STK32B: variants seen among roughly 807,000 people sequenced by gnomAD.
STK32B encodes the protein serine/threonine kinase 32B.
STK32B carries 43 observed loss-of-function variants against 52.6 expected under a neutral mutation model. The ratio of observed to expected loss-of-function variants is 0.82; its 90% CI spans 0.64 to 1.05. STK32B has a LOEUF of 1.05. Ranked by LOEUF, STK32B falls within the 50% of genes least tolerant of loss-of-function variation. The probability of loss-of-function intolerance (pLI) is 0.00; values close to 1 mark genes in which losing one functional copy is unlikely to be tolerated. For missense variants in STK32B, 621 were observed against 534.6 expected (o/e 1.16, Z -1.59); for synonymous variants, 238 against 204.3 (o/e 1.17, Z -1.41).
At chr4:5,034,246 A>T in the STK32B span, among the ~76,000 whole-genome samples, 3 of 152,236 alleles carry the variant, frequency 2.0e-5, no homozygotes, top group African/African-American at 7.2e-5. Context: ...CTACAGAATC[A>T]GTCTTTTGAA....
At chr4:5,156,703 G>A (rs1245017836) in intron 2 of STK32B, among the ~76,000 whole-genome samples, 2 of 152,218 alleles carry the variant, frequency 1.3e-5, no homozygotes, top group Non-Finnish European at 2.9e-5. Context: ...TCAAAGTGAA[G>A]TAAACGTGGA....
chr4:5,163,362 A>T (rs980169208), intron 2 of STK32B, among the ~76,000 whole-genome samples: 1 of 152,104 alleles, frequency 6.6e-6, no homozygotes, highest in African/African-American at 2.4e-5. Context: ...TAGAAACAGG[A>T]TTTATGGCAG....
At chr4:5,448,998 C>T (rs1715729446) in intron 7 of STK32B, among the ~76,000 whole-genome samples, 1 of 152,156 alleles carries the variant, frequency 6.6e-6, no homozygotes, top group Admixed American at 6.5e-5. Flanking sequence ...TCAATGACAA[C>T]ATCCTTGGGT....
chr4:5,182,471 T>C (rs1720436379), intron 3 of STK32B, among the ~76,000 whole-genome samples: 1 of 151,996 alleles, frequency 6.6e-6, no homozygotes, highest in African/African-American at 2.4e-5. Context: ...TCCTTTTTTT[T>C]TGTTTTTTGA....
intron 4 of STK32B, among the ~76,000 whole-genome samples, chr4:5,381,087 T>C (rs1290164512): frequency 6.6e-6 from 1 of 152,184 alleles, no homozygotes; most frequent in Non-Finnish European, 1.5e-5. Flanking sequence ...AAGTAAGAAC[T>C]TGCCTGAGTT....
At position 5,484,054 on chromosome 4, in the gene STK32B, T is replaced by C. The variant is rs1718946659; in HGVS notation, c.1107-14891T>C. On this transcript the variant is annotated intron_variant, in intron 11 of 11. Transcript: ENST00000282908. Reference sequence around the variant, plus strand: ...AGGTGTGGTGTGATGTGGAAAAGAATGTATATTCTGTTGATTTGGGGTGGA... The same window carrying C: ...AGGTGTGGTGTGATGTGGAAAAGAACGTATATTCTGTTGATTTGGGGTGGA... Among the ~76,000 whole-genome samples the C allele has an allele frequency of 2.0e-5, 3 of 152,322 alleles. No homozygotes were observed. In the South Asian group the frequency reaches 6.2e-4, roughly 32 times the overall value.
chr4:5,139,646 A>G (rs1716284392), intron 1 of STK32B: 1 of 481,488 alleles, frequency 2.1e-6, no homozygotes, highest in African/African-American at 1.9e-5. Flanking sequence ...GTAGAGAGTG[A>G]AGCAGCAAGA....
At chr4:5,491,566 G>A (rs1719737509) in intron 11 of STK32B, among the ~76,000 whole-genome samples, 1 of 151,800 alleles carries the variant, frequency 6.6e-6, no homozygotes, top group Non-Finnish European at 1.5e-5. Context: ...TTGCTGTGCA[G>A]AAGCTCTTTA....
chr4:5,331,710 CATT>C (rs1186017512), intron 4 of STK32B, among the ~76,000 whole-genome samples: 1 of 152,078 alleles, frequency 6.6e-6, no homozygotes, highest in Non-Finnish European at 1.5e-5. Flanking sequence ...GTTACAGGAG[CATT>C]ATTATACTAG....
intron 2 of STK32B, among the ~76,000 whole-genome samples, chr4:5,150,959 C>G (rs986890572): frequency 2.0e-5 from 3 of 152,158 alleles, no homozygotes; most frequent in African/African-American, 4.8e-5. Context: ...CACTTTCCCC[C>G]CATGTCATTG....
Position 5,450,943 on chromosome 4 carries a change from G to A in STK32B, c.666+4167G>A, listed in dbSNP as rs1244109818. On this transcript the variant is annotated intron_variant, in intron 7 of 11. Coordinates refer to ENST00000282908, the MANE Select transcript of STK32B (RefSeq NM_018401.3). ...CAAGTAAGGCCAATGGGCTTCATGAGCAGAGATGGGTTCCCATCCACACTC... is the reference window on the plus strand; with the variant it reads ...CAAGTAAGGCCAATGGGCTTCATGAACAGAGATGGGTTCCCATCCACACTC... Among the ~76,000 whole-genome samples the A allele has an allele frequency of 2.0e-5, 3 of 152,264 alleles. No homozygotes were observed. In the East Asian group the frequency reaches 5.8e-4, roughly 29 times the overall value.
intron 6 of STK32B, among the ~76,000 whole-genome samples, chr4:5,420,396 A>T (rs998284362): frequency 4.6e-5 from 7 of 152,200 alleles, no homozygotes; most frequent in African/African-American, 1.7e-4. Flanking sequence ...CAAAGAGGTC[A>T]CTGCCTTGAG....
chr4:5,432,735 A>T (rs1026396859), intron 6 of STK32B, among the ~76,000 whole-genome samples: 1 of 152,228 alleles, frequency 6.6e-6, no homozygotes, highest in Non-Finnish European at 1.5e-5. Flanking sequence ...CTTGAACTTC[A>T]TTCATAGTAA....
At chr4:5,280,726 C>T (rs1359812624) in intron 3 of STK32B, among the ~76,000 whole-genome samples, 1 of 151,992 alleles carries the variant, frequency 6.6e-6, no homozygotes, top group Non-Finnish European at 1.5e-5. Flanking sequence ...AAAACCACAT[C>T]TCTACTAAAA....
rs549756129 is a variant in STK32B, at chr4:5,058,138, C to T, written c.52+6223C>T. Among the ~76,000 whole-genome samples, 3 of 152,304 alleles carry T rather than the reference C, an allele frequency of 2.0e-5. No individual in the cohort carries two copies. In the South Asian group the frequency reaches 6.2e-4, roughly 32 times the overall value. On this transcript the variant is annotated intron_variant, in intron 1 of 11. Transcript: ENST00000282908. This position sits in a 1 kb window ranked among gnomAD's most constrained non-coding sequence, Gnocchi z 4.8. ...AGATTTTGGCCTCTGCTTCATCTCT[C>T]ACAAGTGCTCCATCTGTGAAGTCAT...
At chr4:5,189,480 T>C (rs1263648677) in intron 3 of STK32B, among the ~76,000 whole-genome samples, 1 of 152,226 alleles carries the variant, frequency 6.6e-6, no homozygotes, top group Non-Finnish European at 1.5e-5. Context: ...TTTCATGGCT[T>C]GATAGCTCAT....
chr4:5,111,856 A>G (rs181851645), intron 1 of STK32B, among the ~76,000 whole-genome samples: 3 of 152,270 alleles, frequency 2.0e-5, no homozygotes, highest in Non-Finnish European at 4.4e-5. Context: ...ATGTGCAAAT[A>G]GCTTGTTTAA....
At chr4:5,339,528 A>G (rs1242745699) in intron 4 of STK32B, among the ~76,000 whole-genome samples, 1 of 152,154 alleles carries the variant, frequency 6.6e-6, no homozygotes, top group Non-Finnish European at 1.5e-5. Flanking sequence ...AATGTTTTCC[A>G]TCAATTCAAG....
chr4:5,430,162 A>G (rs12696684), intron 6 of STK32B, among the ~76,000 whole-genome samples: 2 of 151,914 alleles, frequency 1.3e-5, no homozygotes, highest in Non-Finnish European at 2.9e-5. Context: ...TATCTCTGCA[A>G]ATATATATAT....
Sources: allele counts gnomAD v4.1 joint callset (sites outside exome capture counted in the v4.1 genomes callset), GRCh38; gene constraint gnomAD v4.1.1; non-coding constraint Gnocchi (gnomAD v3.1); transcripts MANE v1.5; gene names NCBI Gene and HGNC (gene_info 2026-07-23, HGNC 2026-07-21).